Variants in PDZRN4 observed in about 807,000 individuals in gnomAD.
PDZRN4 encodes PDZ domain-containing RING finger protein 4.
In PDZRN4, 70 loss-of-function variants were observed where a neutral mutation model predicts 99.0. The observed-to-expected ratio is 0.71, with a 90% confidence interval of 0.58 to 0.86. The LOEUF is 0.86. PDZRN4 is among the 40% of genes least tolerant of loss of function. The pLI, the probability that PDZRN4 is intolerant of heterozygous loss-of-function variation, is 0.00. For missense variants in PDZRN4, 1,474 were observed against 1,331.2 expected (o/e 1.11, Z -1.67); for synonymous variants, 551 against 501.6 (o/e 1.10, Z -1.32).
intron 3 of PDZRN4, among the ~76,000 whole-genome samples, chr12:41,285,583 T>C (rs776659497): frequency 2.0e-5 from 3 of 152,136 alleles, no homozygotes; most frequent in South Asian, 2.1e-4. Flanking sequence ...CTGTTCACAA[T>C]AGCAAAGAGT....
chr12:41,225,731 A>T (rs1234924427), intron 3 of PDZRN4, among the ~76,000 whole-genome samples: 1 of 152,162 alleles, frequency 6.6e-6, no homozygotes, highest in Non-Finnish European at 1.5e-5. Context: ...CCAAGTCAGT[A>T]ACCAATACAA....
intron 3 of PDZRN4, among the ~76,000 whole-genome samples, chr12:41,230,874 C>A (rs1951024024): frequency 6.6e-6 from 1 of 151,978 alleles, no homozygotes; most frequent in Non-Finnish European, 1.5e-5. Flanking sequence ...CAGCTAATCT[C>A]TTTTTTTACC....
chr12:41,394,865 C>T (rs1194014040), intron 3 of PDZRN4, among the ~76,000 whole-genome samples: 3 of 151,718 alleles, frequency 2.0e-5, no homozygotes, highest in African/African-American at 7.3e-5. Context: ...AAACCAGAAG[C>T]CACAGTCTTT....
intron 3 of PDZRN4, among the ~76,000 whole-genome samples, chr12:41,370,906 T>C (rs1952036882): frequency 6.6e-6 from 1 of 151,576 alleles, no homozygotes; most frequent in African/African-American, 2.4e-5. Flanking sequence ...TTATTCTGCT[T>C]TTTTCTTATA....
intron 3 of PDZRN4, among the ~76,000 whole-genome samples, chr12:41,441,787 G>T (rs1158481306): frequency 3.9e-5 from 6 of 151,988 alleles, no homozygotes; most frequent in African/African-American, 1.2e-4. Context: ...CTTAGCGCCA[G>T]TGAAGGTCTC....
chr12:41,479,747 G>A, intron 3 of PDZRN4, among the ~76,000 whole-genome samples: 1 of 152,104 alleles, frequency 6.6e-6, no homozygotes, highest in South Asian at 2.1e-4. Context: ...CTTTGTTCAA[G>A]ATATCAATAA....
At chr12:41,380,221 C>T (rs924687259) in intron 3 of PDZRN4, among the ~76,000 whole-genome samples, 1 of 152,004 alleles carries the variant, frequency 6.6e-6, no homozygotes, top group East Asian at 1.9e-4. Context: ...CACTGTTAGA[C>T]TATTTGTGTC....
chr12:41,249,709 C>T (rs1046184546), intron 3 of PDZRN4, among the ~76,000 whole-genome samples: 6 of 152,256 alleles, frequency 3.9e-5, no homozygotes, highest in Non-Finnish European at 7.4e-5. Context: ...TTACTGGGGC[C>T]TGAAGTATTA....
intron 8 of PDZRN4, among the ~76,000 whole-genome samples, chr12:41,565,497 T>G (rs946472615): frequency 1.4e-5 from 2 of 146,946 alleles, no homozygotes; most frequent in Non-Finnish European, 3.0e-5. Context: ...TCCATTGAAC[T>G]CAATTTATCT....
At chr12:41,467,345 T>C (rs138329654) in intron 3 of PDZRN4, among the ~76,000 whole-genome samples, 37 of 152,332 alleles carry the variant, frequency 2.4e-4, no homozygotes, top group African/African-American at 8.7e-4. Context: ...AATAGTACAT[T>C]CTTTCACAAT....
intron 3 of PDZRN4, among the ~76,000 whole-genome samples, chr12:41,306,756 A>C (rs1441859561): frequency 6.6e-6 from 1 of 152,144 alleles, no homozygotes; most frequent in Non-Finnish European, 1.5e-5. Context: ...CTCCTTCAAC[A>C]CTTTCACTCC....
chr12:41,297,967 T>C (rs1295986501), intron 3 of PDZRN4, among the ~76,000 whole-genome samples: 3 of 152,232 alleles, frequency 2.0e-5, no homozygotes, highest in South Asian at 4.1e-4. Flanking sequence ...GACTTAGTGC[T>C]GTATTAACAC....
At chr12:41,266,881 A>G (rs1682616684) in intron 3 of PDZRN4, among the ~76,000 whole-genome samples, 1 of 152,206 alleles carries the variant, frequency 6.6e-6, no homozygotes, top group Admixed American at 6.5e-5. Context: ...AGTTCTTAAG[A>G]TAATACCATA....
chr12:41,238,085 A>G (rs1318930969), intron 3 of PDZRN4, among the ~76,000 whole-genome samples: 1 of 152,022 alleles, frequency 6.6e-6, no homozygotes, highest in African/African-American at 2.4e-5. Context: ...CACGATATTG[A>G]TTCTTTCTAA....
intron 3 of PDZRN4, among the ~76,000 whole-genome samples, chr12:41,237,801 A>G (rs1951077000): frequency 1.3e-5 from 2 of 151,702 alleles, no homozygotes; most frequent in African/African-American, 4.8e-5. Flanking sequence ...TATTTCTGAG[A>G]TCTCTATTCT....
At chr12:41,280,180 G>C (rs1218649654) in intron 3 of PDZRN4, among the ~76,000 whole-genome samples, 2 of 152,262 alleles carry the variant, frequency 1.3e-5, no homozygotes, top group East Asian at 3.9e-4. Flanking sequence ...GTGCTATGCA[G>C]CCTAGATACT....
At chr12:41,400,545 T>C (rs1424125899) in intron 3 of PDZRN4, among the ~76,000 whole-genome samples, 1 of 152,160 alleles carries the variant, frequency 6.6e-6, no homozygotes, top group Non-Finnish European at 1.5e-5. Context: ...GAAAATATAC[T>C]ACATATGTTC....
intron 3 of PDZRN4, among the ~76,000 whole-genome samples, chr12:41,441,093 T>C (rs547540095): frequency 5.9e-5 from 9 of 152,286 alleles, no homozygotes; most frequent in Non-Finnish European, 8.8e-5. Flanking sequence ...ATGGTGATTA[T>C]TGATGGGATG....
intron 3 of PDZRN4, among the ~76,000 whole-genome samples, chr12:41,388,170 A>G (rs1266406320): frequency 6.6e-6 from 1 of 152,170 alleles, no homozygotes; most frequent in African/African-American, 2.4e-5. Flanking sequence ...TAACACAAGA[A>G]CAGAAAACCA....
Sources: gnomAD v4.1 joint callset for allele counts (sites outside exome capture counted in the v4.1 genomes callset) on GRCh38, gnomAD v4.1.1 for gene constraint, MANE v1.5 for transcripts, NCBI Gene and HGNC (gene_info 2026-07-23, HGNC 2026-07-21) for gene names.